Variants in ARL10 observed in about 807,000 individuals in gnomAD.
The protein encoded by ARL10 is ARF like GTPase 10, also known as ADP-ribosylation factor-like protein 10.
A neutral mutation model predicts 26.1 loss-of-function variants in ARL10; 23 were observed. The ratio of observed to expected loss-of-function variants is 0.88; its 90% CI spans 0.63 to 1.25. ARL10 has a LOEUF of 1.25. ARL10 is among the 50% of genes most tolerant of loss of function. ARL10 has a pLI of 0.00. For synonymous variants in ARL10, 138 were observed against 149.1 expected (o/e 0.93, Z 0.54); for missense variants, 300 against 323.6 (o/e 0.93, Z 0.56).
chr5:176,384,395 T>C (rs753670603), downstream of ARL10: 1 of 1,602,268 alleles, frequency 6.2e-7, no homozygotes, highest in Middle Eastern at 1.7e-4. Context: ...AAGGGCTACT[T>C]TAAGGAGGGC....
chr5:176,368,814 C>T lies in ARL10; in HGVS notation c.393C>T (p.Gly131=), dbSNP rs773331998. 6.2e-7 allele frequency: 1 copy of T among 1,609,704 alleles called. No homozygotes were observed. Among genetic ancestry groups the T allele is most frequent in the Non-Finnish European group, 8.5e-7 (1 of 1,177,308 alleles). The stretch of plus-strand genomic sequence containing the variant: ...CCCCTGGCCTCTCCTCAGTTGGGGG[C>T]AGCCAGAACCTGCGCTTCTACTGGA... The part of the protein sequence containing the change: ...DFEVDLLEIG[G]SQNLRFYWKE... The change falls in exon 3 of 4, where the codon GGC becomes GGT. Residue 131 remains glycine, a synonymous_variant. Transcript: ENST00000310389. This position sits in a 1 kb window ranked among gnomAD's most constrained non-coding sequence, Gnocchi z 4.1.
the ARL10 span, among the ~76,000 whole-genome samples, chr5:176,411,748 T>A: frequency 0.042 from 6,435 of 152,132 alleles, 209 homozygotes; most frequent in Non-Finnish European, 0.068. Flanking sequence ...AACATGAGGA[T>A]CTCTACAATC....
intron 1 of ARL10, among the ~76,000 whole-genome samples, chr5:176,387,293 C>T (rs994168903): frequency 1.3e-5 from 2 of 152,158 alleles, no homozygotes; most frequent in Middle Eastern, 3.4e-3. Context: ...TTGGCCAGGC[C>T]GGTCTCAAAC....
At chr5:176,400,692 T>C (rs567472486) in intron 1 of ARL10, among the ~76,000 whole-genome samples, 14 of 152,096 alleles carry the variant, frequency 9.2e-5, no homozygotes, top group Non-Finnish European at 2.1e-4. Flanking sequence ...CTCCCAGCAA[T>C]AGTCTCCCCT....
chr5:176,402,934 A>G (rs1756897899), downstream of ARL10, among the ~76,000 whole-genome samples: 1 of 152,200 alleles, frequency 6.6e-6, no homozygotes, highest in Non-Finnish European at 1.5e-5. Context: ...CCTTTGGGAA[A>G]TGGATACACA....
chr5:176,410,047 T>A, the ARL10 span, among the ~76,000 whole-genome samples: 1 of 152,168 alleles, frequency 6.6e-6, no homozygotes, highest in South Asian at 2.1e-4. Context: ...CTACTGCCCA[T>A]CAATCTCGAT....
chr5:176,402,424 A>G (rs978603884), downstream of ARL10, among the ~76,000 whole-genome samples: 2 of 152,358 alleles, frequency 1.3e-5, no homozygotes, highest in Admixed American at 1.3e-4. Context: ...CACTCTTGCC[A>G]CACTGGCCTT....
intron 1 of ARL10, chr5:176,387,013 C>A: frequency 1.0e-6 from 1 of 964,794 alleles, no homozygotes; most frequent in East Asian, 2.4e-5. Context: ...AATCCCTGCC[C>A]ACGGTTAGGT....
At chr5:176,393,535 T>C (rs557847886), downstream of ARL10, among the ~76,000 whole-genome samples, 65 of 152,316 alleles carry the variant, frequency 4.3e-4, 3 homozygotes, top group Admixed American at 2.6e-3. This position sits in a 1 kb window ranked among gnomAD's most constrained non-coding sequence, Gnocchi z 4.4. Context: ...AAGCCTTTCA[T>C]GTGCTGTGTG....
chr5:176,382,935 C>T (rs1006107821), downstream of ARL10, among the ~76,000 whole-genome samples: 6 of 152,200 alleles, frequency 3.9e-5, no homozygotes, highest in South Asian at 4.1e-4. Flanking sequence ...TCAGGAGCTC[C>T]ACTGCAGACT....
Position 176,380,298 on chromosome 5 carries a change from T to C in ARL10, c.*8403T>C, listed in dbSNP as rs1755520636. ...TCCTTTAGATGCCTCTGCATACCGATTTAAAATGCATCCCGTTGTTTTTGT... is the reference window on the plus strand; with the variant it reads ...TCCTTTAGATGCCTCTGCATACCGACTTAAAATGCATCCCGTTGTTTTTGT... On this transcript the variant is annotated 3_prime_UTR_variant, in exon 4 of 4. Coordinates refer to ENST00000310389, the MANE Select transcript of ARL10 (RefSeq NM_173664.6). 1 of 152,212 alleles carries C rather than the reference T, an allele frequency of 6.6e-6. No homozygotes were observed. 9.4% of individuals were successfully genotyped at this position (152,212 alleles called of 1,614,324 possible).
At chr5:176,406,714 G>C, downstream of ARL10, 3 of 1,284,502 alleles carry the variant, frequency 2.3e-6, no homozygotes, top group African/African-American at 4.6e-5. Context: ...ACGGGCTGCA[G>C]AAAAGAGGAA....
intron 1 of ARL10, among the ~76,000 whole-genome samples, chr5:176,400,188 ACT>A (rs1356623937): frequency 6.6e-6 from 1 of 151,270 alleles, no homozygotes; most frequent in East Asian, 1.9e-4. Flanking sequence ...TAAAAGTGAG[ACT>A]CTATCTCAAA....
At chr5:176,369,068 T>C (rs780094206) in intron 3 of ARL10, 86 bp downstream of exon 3, 1 of 1,560,038 alleles carries the variant, frequency 6.4e-7, no homozygotes, top group Non-Finnish European at 8.6e-7. Flanking sequence ...CCTGGGCCCA[T>C]GGCCTGGAGA....
downstream of ARL10, among the ~76,000 whole-genome samples, chr5:176,405,120 T>G (rs1757038424): frequency 6.6e-6 from 1 of 152,160 alleles, no homozygotes; most frequent in South Asian, 2.1e-4. Context: ...TAGCTCCTAA[T>G]GCTTCCCCAA....
downstream of ARL10, among the ~76,000 whole-genome samples, chr5:176,403,270 G>A (rs761858844): frequency 4.0e-5 from 6 of 151,844 alleles, no homozygotes; most frequent in South Asian, 2.1e-4. Context: ...GACTTGTGTC[G>A]AACTCCTGAT....
rs1768614469 is a variant in ARL10 at position 176,373,722 on chromosome 5, C to T, written c.*1827C>T. 6.6e-6 allele frequency: 1 copy of T among 152,146 alleles called. No individual in the cohort carries two copies. The highest frequency in any genetic ancestry group is 1.5e-5 in the Non-Finnish European group (1 of 68,042). The allele number at this position is 152,146 out of a possible 1,614,324, so 9.4% of individuals were successfully genotyped here. A position where few individuals can be genotyped will look rare whatever the true frequency, so the allele number is the denominator to read the frequency against. Reference sequence around the variant, plus strand: ...TCTGCAGTAAGAAGTGATTTATGGGCTTTTATGTAAAATTTTAAGAATGAC... The same window carrying T: ...TCTGCAGTAAGAAGTGATTTATGGGTTTTTATGTAAAATTTTAAGAATGAC... On this transcript the variant is annotated 3_prime_UTR_variant, in exon 4 of 4. Transcript: ENST00000310389.
chr5:176,386,730 C>T (rs1260429519), downstream of ARL10: 2 of 925,292 alleles, frequency 2.2e-6, no homozygotes, highest in Admixed American at 3.4e-5. Context: ...GCTCACTTCT[C>T]CCCTCTGAAA....
downstream of ARL10, chr5:176,383,875 T>G (rs895328017): frequency 2.6e-6 from 3 of 1,154,754 alleles, no homozygotes; most frequent in Non-Finnish European, 3.6e-6. Flanking sequence ...TCAGCCCCGG[T>G]AGAGGTGGTT....
Sources: gnomAD v4.1 joint callset for allele counts (sites outside exome capture counted in the v4.1 genomes callset) on GRCh38, gnomAD v4.1.1 for gene constraint, Gnocchi (gnomAD v3.1) non-coding constraint, MANE v1.5 for transcripts, NCBI Gene and HGNC (gene_info 2026-07-23, HGNC 2026-07-21) for gene names.